SCP2: variants seen among roughly 807,000 people sequenced by gnomAD.
The protein encoded by SCP2 is SCP-2/3-oxoacyl-CoA thiolase.
In SCP2, 48 loss-of-function variants were observed where a neutral mutation model predicts 71.4. The observed-to-expected ratio is 0.67, with a 90% CI of 0.53 to 0.86. The LOEUF (loss-of-function observed/expected upper bound fraction) is 0.86. SCP2 is among the 40% of genes least tolerant of loss of function. The pLI, the probability that SCP2 is intolerant of heterozygous loss-of-function variation, is 0.00. For synonymous variants in SCP2, 220 were observed against 218.1 expected (o/e 1.01, Z -0.08); for missense variants, 560 against 655.6 (o/e 0.85, Z 1.59).
At chr1:53,006,420 C>G (rs1660642109) in intron 11 of SCP2, among the ~76,000 whole-genome samples, 1 of 152,180 alleles carries the variant, frequency 6.6e-6, no homozygotes, top group African/African-American at 2.4e-5. Flanking sequence ...AACAGACTAA[C>G]AGCGGATCTC....
At chr1:52,998,164 G>T (rs1660060880) in intron 11 of SCP2, among the ~76,000 whole-genome samples, 1 of 152,108 alleles carries the variant, frequency 6.6e-6, no homozygotes, top group African/African-American at 2.4e-5. Context: ...TATTTGAATT[G>T]TTTCCTGTTT....
intron 13 of SCP2, among the ~76,000 whole-genome samples, chr1:53,030,655 G>T (rs1662473518): frequency 6.6e-6 from 1 of 151,994 alleles, no homozygotes; most frequent in African/African-American, 2.4e-5. Context: ...ATTATGGAAG[G>T]CTGAGGCGGG....
Position 52,993,865 on chromosome 1 carries a change from A to C in SCP2, c.1081+5729A>C, listed in dbSNP as rs1572157555. 8 of 1,480,462 alleles carry C rather than the reference A, an allele frequency of 5.4e-6. No individual in the cohort carries two copies. The South Asian group carries it at 1.1e-4, about 20-fold the overall frequency. 91.7% of individuals were successfully genotyped at this position (1,480,462 alleles called of 1,614,324 possible). A position where few individuals can be genotyped will look rare whatever the true frequency, so the allele number is the denominator to read the frequency against. On this transcript the variant is annotated intron_variant, in intron 11 of 15. Coordinates refer to ENST00000371514, the MANE Select transcript of SCP2 (RefSeq NM_002979.5). ...TTTATACAACATTAGTAATCATATG[A>C]TAGTATTCCTAAGCTATGTTTTGGA...
intron 5 of SCP2, among the ~76,000 whole-genome samples, chr1:52,959,151 CCAGTTCA>C (rs1656090314): frequency 6.6e-6 from 1 of 151,896 alleles, no homozygotes; most frequent in East Asian, 1.9e-4. Flanking sequence ...GTAGAATTCA[CCAGTTCA>C]CATCTGGTCT....
chr1:52,956,087 T>C (rs1487450831), intron 5 of SCP2, among the ~76,000 whole-genome samples: 2 of 152,166 alleles, frequency 1.3e-5, no homozygotes, highest in Non-Finnish European at 2.9e-5. Flanking sequence ...GCGGATCACT[T>C]GAGGCCAGAA....
In SCP2 at chr1:53,028,364, G is replaced by T. The variant is rs572459892; in HGVS notation, c.1338+293G>T. On this transcript the variant is annotated intron_variant, in intron 13 of 15. Transcript: ENST00000371514. ...AGAGGGTCATTCAGTCATGGGCAAA[G>T]TTCAAATATAAAGGGATTCTAATTT... Among the ~76,000 whole-genome samples, 33 of 152,184 alleles carry T rather than the reference G, an allele frequency of 2.2e-4. 1 individual carries two copies. In the South Asian group the frequency reaches 6.6e-3, roughly 31 times the overall value.
At chr1:53,015,675 T>C (rs1320636018) in intron 12 of SCP2, among the ~76,000 whole-genome samples, 1 of 152,246 alleles carries the variant, frequency 6.6e-6, no homozygotes, top group Non-Finnish European at 1.5e-5. Flanking sequence ...TTGGTTATCT[T>C]TCCATTGACT....
intron 11 of SCP2, chr1:52,993,393 C>T (rs748010528): frequency 6.9e-5 from 111 of 1,614,036 alleles, no homozygotes; most frequent in Non-Finnish European, 9.1e-5. Flanking sequence ...CGTCCTTCTT[C>T]CTGTGTTACC....
rs776703778 is a variant in SCP2, at chr1:53,047,895, A to C, written c.1506A>C (p.Ser502=). ...ACTGCACAATCACAATGGCTGACTCAGACTTCCTGGCTTTAATGACTGGTA... is the reference window on the plus strand; with the variant it reads ...ACTGCACAATCACAATGGCTGACTCCGACTTCCTGGCTTTAATGACTGGTA... ...KADCTITMAD[S]DFLALMTGKM... The change falls in exon 15 of 16, where the codon TCA becomes TCC. Residue 502 remains serine, a synonymous_variant. Transcript: ENST00000371514. 6.8e-6 allele frequency: 11 copies of C among 1,613,536 alleles called. No homozygotes were observed. The African/African-American group carries it at 1.1e-4, about 16-fold the overall frequency.
chr1:52,979,793 A>AT (rs796644354), intron 9 of SCP2, among the ~76,000 whole-genome samples: 2 of 152,068 alleles, frequency 1.3e-5, no homozygotes, highest in Non-Finnish European at 2.9e-5. Flanking sequence ...AAATTCTGTC[A>AT]TTTTTTAGTA....
At position 52,961,128 on chromosome 1, in the gene SCP2, G is replaced by A. The variant is rs145384810; in HGVS notation, c.397-375G>A. ...GTTCTAGGGTACATGTGCACAACGT[G>A]CAGGTTTGTTACATACGTATGCATG... is the stretch of plus-strand genomic sequence containing the variant. On this transcript the variant is annotated intron_variant, in intron 5 of 15. Coordinates refer to ENST00000371514, the MANE Select transcript of SCP2 (RefSeq NM_002979.5). 4.3e-3 allele frequency among the ~76,000 whole-genome samples: 615 copies of A among 142,314 alleles called. 2 individuals are homozygous for A. In the Middle Eastern group the frequency reaches 0.066, roughly 15 times the overall value. 93.4% of individuals were successfully genotyped at this position (142,314 alleles called of 152,430 possible).
intron 6 of SCP2, 78 bp downstream of exon 6, chr1:52,961,707 G>A (rs1361167351): frequency 2.4e-6 from 3 of 1,250,664 alleles, no homozygotes; most frequent in Non-Finnish European, 3.5e-6. Context: ...ATTTATTAAG[G>A]AACTGTGGAG....
chr1:52,939,919 C>T (rs1654070099), intron 1 of SCP2, among the ~76,000 whole-genome samples: 1 of 152,144 alleles, frequency 6.6e-6, no homozygotes, highest in Non-Finnish European at 1.5e-5. Flanking sequence ...ATCCACCCAC[C>T]TCGGCTTCCT....
At chr1:53,033,540 C>T (rs955426712) in intron 13 of SCP2, among the ~76,000 whole-genome samples, 10 of 143,492 alleles carry the variant, frequency 7.0e-5, no homozygotes, top group South Asian at 2.2e-4. Context: ...AGGAGGCAGA[C>T]GTTGCAGTGA....
chr1:53,024,575 T>C (rs200160185), intron 12 of SCP2, among the ~76,000 whole-genome samples: 5,700 of 144,364 alleles, frequency 0.039, 198 homozygotes, highest in East Asian at 0.2. Flanking sequence ...TTCTTTTTTT[T>C]TCTTTTTTTT....
chr1:53,034,201 C>T (rs1010768210), intron 13 of SCP2, among the ~76,000 whole-genome samples: 4 of 151,580 alleles, frequency 2.6e-5, no homozygotes, highest in African/African-American at 7.3e-5. Context: ...CACTTGAACC[C>T]GGGAGGAGGA....
chr1:53,022,703 A>C (rs985679846), intron 12 of SCP2, among the ~76,000 whole-genome samples: 1 of 152,200 alleles, frequency 6.6e-6, no homozygotes, highest in Non-Finnish European at 1.5e-5. Context: ...TGATGATCAG[A>C]GTTAAAATAA....
intron 11 of SCP2, among the ~76,000 whole-genome samples, chr1:53,003,805 G>T (rs1438978756): frequency 6.6e-6 from 1 of 152,164 alleles, no homozygotes; most frequent in Non-Finnish European, 1.5e-5. Flanking sequence ...GGGATTACAG[G>T]CGTGAGTCAC....
At chr1:53,021,267 C>T (rs1661699328) in intron 12 of SCP2, among the ~76,000 whole-genome samples, 1 of 151,462 alleles carries the variant, frequency 6.6e-6, no homozygotes, top group Admixed American at 6.6e-5. Flanking sequence ...CCTTGGCCTC[C>T]CAAAGTGCTG....
Sources: gnomAD v4.1 joint callset for allele counts (sites outside exome capture counted in the v4.1 genomes callset) on GRCh38, gnomAD v4.1.1 for gene constraint, MANE v1.5 for transcripts, NCBI Gene and HGNC (gene_info 2026-07-23, HGNC 2026-07-21) for gene names.